PRKCQ: variants seen among roughly 807,000 people sequenced by gnomAD.
The protein encoded by PRKCQ is protein kinase C theta type.
PRKCQ carries 41 observed loss-of-function variants against 91.2 expected under a neutral mutation model. The observed-to-expected ratio is 0.45, with a 90% CI of 0.35 to 0.58. The LOEUF is 0.58. Ranked by LOEUF, PRKCQ falls within the 20% of genes least tolerant of loss-of-function variation. PRKCQ has a pLI of 0.00. For missense variants in PRKCQ, 673 were observed against 896.5 expected, an observed-to-expected ratio of 0.75 and a Z score of 3.18; for synonymous variants, 307 against 316.9, an observed-to-expected ratio of 0.97 and a Z score of 0.33.
chr10:6,436,355 T>A (rs1347513054), intron 16 of PRKCQ, among the ~76,000 whole-genome samples: 3 of 152,184 alleles, frequency 2.0e-5, no homozygotes, highest in Non-Finnish European at 2.9e-5. Flanking sequence ...AGTACAGAGA[T>A]GTCCTGGGTG....
At chr10:6,425,479 C>T (rs1057236648), downstream of PRKCQ, among the ~76,000 whole-genome samples, 1 of 152,030 alleles carries the variant, frequency 6.6e-6, no homozygotes, top group Non-Finnish European at 1.5e-5. Flanking sequence ...GCCTGGGTCT[C>T]CCAAAGTGCT....
At chr10:6,493,539 T>C (rs1272401385) in intron 7 of PRKCQ, among the ~76,000 whole-genome samples, 1 of 152,194 alleles carries the variant, frequency 6.6e-6, no homozygotes, top group African/African-American at 2.4e-5. Flanking sequence ...AATCAAAATA[T>C]CCTGGGAGAA....
intron 15 of PRKCQ, among the ~76,000 whole-genome samples, chr10:6,446,357 GTTTTTTTTT>G (rs66839272): frequency 1.3e-4 from 10 of 79,600 alleles, no homozygotes; most frequent in Admixed American, 1.0e-3. Flanking sequence ...ACTATGCTCA[GTTTTTTTTT>G]TTTTTTTTTT....
chr10:6,510,826 C>A (rs1208902965), intron 3 of PRKCQ, among the ~76,000 whole-genome samples, 169 bp downstream of exon 3: 1 of 151,996 alleles, frequency 6.6e-6, no homozygotes, highest in Non-Finnish European at 1.5e-5. Context: ...GTTCTACAGC[C>A]CATAAAGAAT....
At chr10:6,462,960 A>G (rs1225447086) in intron 13 of PRKCQ, among the ~76,000 whole-genome samples, 2 of 151,582 alleles carry the variant, frequency 1.3e-5, no homozygotes, top group African/African-American at 4.9e-5. Flanking sequence ...AGCTGAGATC[A>G]CACCACTGCA....
intron 2 of PRKCQ, chr10:6,512,248 A>G (rs966725266): frequency 6.6e-6 from 1 of 152,254 alleles, no homozygotes; most frequent in Non-Finnish European, 1.5e-5. Context: ...GTGAAGATAC[A>G]TTTTACATGT....
intron 11 of PRKCQ, among the ~76,000 whole-genome samples, chr10:6,481,832 TAGG>T (rs964896214): frequency 1.3e-5 from 2 of 152,156 alleles, no homozygotes; most frequent in African/African-American, 4.8e-5. Context: ...GTAAAACAAA[TAGG>T]AGCCCCGTTA....
At chr10:6,515,174 TG>T (rs748317244) in intron 1 of PRKCQ, 30 bp from the exon 2 acceptor site, 282 of 1,611,184 alleles carry the variant, frequency 1.8e-4, no homozygotes, top group Non-Finnish European at 2.3e-4. Flanking sequence ...AAACGCTGTT[TG>T]GGGGCTATAA....
intron 8 of PRKCQ, among the ~76,000 whole-genome samples, chr10:6,491,136 C>T (rs748817868): frequency 6.6e-5 from 10 of 152,310 alleles, no homozygotes; most frequent in Non-Finnish European, 1.5e-4. Context: ...TCTTACTGGG[C>T]ACTTGGAGTT....
chr10:6,409,340 G>A, the PRKCQ span, among the ~76,000 whole-genome samples: 1 of 152,132 alleles, frequency 6.6e-6, no homozygotes, highest in South Asian at 2.1e-4. Flanking sequence ...CGTCATCCAG[G>A]CTGGAGTGTA....
At chr10:6,455,964 C>A (rs1019204709) in intron 15 of PRKCQ, among the ~76,000 whole-genome samples, 6 of 152,078 alleles carry the variant, frequency 3.9e-5, no homozygotes, top group African/African-American at 1.4e-4. Flanking sequence ...AAAAAGCAAC[C>A]AGAACAAGTG....
intron 1 of PRKCQ, among the ~76,000 whole-genome samples, chr10:6,528,291 T>C (rs1252162015): frequency 6.6e-6 from 1 of 152,122 alleles, no homozygotes; most frequent in Non-Finnish European, 1.5e-5. Context: ...ATGTTCTACA[T>C]GAATAAACCG....
chr10:6,483,374 T>C (rs1836719653), intron 11 of PRKCQ, 66 bp downstream of exon 11: 1 of 1,593,740 alleles, frequency 6.3e-7, no homozygotes, highest in Non-Finnish European at 8.6e-7. Context: ...TTAATTTCTT[T>C]GACCAGGAAC....
intron 12 of PRKCQ, among the ~76,000 whole-genome samples, chr10:6,469,801 CAA>C (rs1410157288): frequency 1.3e-5 from 2 of 151,980 alleles, no homozygotes; most frequent in Non-Finnish European, 1.5e-5. Flanking sequence ...ATAAGGAAAA[CAA>C]AAGAACATAA....
Position 6,430,950 on chromosome 10 carries a change from C to T in PRKCQ, c.1837-12G>A. ...TCTCGCACGAAGAGCTGAAAGGGAGCAGAGCAGGAGCCCTGAGGTCTCCAG... is the reference window on the plus strand; with the variant it reads ...TCTCGCACGAAGAGCTGAAAGGGAGTAGAGCAGGAGCCCTGAGGTCTCCAG... On this transcript the variant is annotated splice_polypyrimidine_tract_variant and intron_variant, in intron 16 of 17. Coordinates refer to ENST00000263125, the MANE Select transcript of PRKCQ (RefSeq NM_006257.5). The surrounding 1 kb of genome is among the most constrained non-coding windows in gnomAD (Gnocchi z 4.7). 6.2e-7 allele frequency: 1 copy of T among 1,613,254 alleles called. No individual in the cohort carries two copies. Among genetic ancestry groups the T allele is most frequent in the Non-Finnish European group, 8.5e-7 (1 of 1,179,568 alleles).
intron 12 of PRKCQ, among the ~76,000 whole-genome samples, chr10:6,475,265 C>A (rs1187328436): frequency 6.6e-6 from 1 of 152,200 alleles, no homozygotes; most frequent in Non-Finnish European, 1.5e-5. Context: ...AGCTCCCAGC[C>A]CCTCTGCCTG....
chr10:6,422,979 G>A (rs1045033718), downstream of PRKCQ, among the ~76,000 whole-genome samples: 3 of 152,114 alleles, frequency 2.0e-5, no homozygotes, highest in Admixed American at 6.5e-5. Context: ...CTTGGGTGGC[G>A]CCTACTCCAT....
chr10:6,454,688 C>T (rs950030226), intron 15 of PRKCQ, among the ~76,000 whole-genome samples: 6 of 151,962 alleles, frequency 3.9e-5, no homozygotes, highest in African/African-American at 1.4e-4. Context: ...TTGAAGGACT[C>T]ATGCATTTAC....
intron 4 of PRKCQ, among the ~76,000 whole-genome samples, chr10:6,506,361 C>A (rs1231094845): frequency 8.5e-5 from 13 of 152,190 alleles, no homozygotes. Flanking sequence ...CCATCCTACA[C>A]CCCATACCAT....
Sources: allele counts gnomAD v4.1 joint callset (sites outside exome capture counted in the v4.1 genomes callset), GRCh38; gene constraint gnomAD v4.1.1; non-coding constraint Gnocchi (gnomAD v3.1); transcripts MANE v1.5; gene names NCBI Gene and HGNC (gene_info 2026-07-23, HGNC 2026-07-21).